CUX1: variants seen among roughly 807,000 people sequenced by gnomAD.
CUX1 encodes protein CASP.
Under a neutral mutation model 158.8 loss-of-function variants are expected in CUX1, and 31 were observed. The observed-to-expected ratio is 0.20, with a 90% CI of 0.15 to 0.26. The LOEUF is 0.26. Ranked by LOEUF, CUX1 falls within the 10% of genes least tolerant of loss-of-function variation. The pLI is 1.00. For missense variants in CUX1, 1,589 were observed against 2,014.6 expected, an observed-to-expected ratio of 0.79 and a Z score of 4.04; for synonymous variants, 879 against 862.1, an observed-to-expected ratio of 1.02 and a Z score of -0.34.
At chr7:102,025,786 T>C (rs1243049185) in intron 2 of CUX1, among the ~76,000 whole-genome samples, 1 of 152,168 alleles carries the variant, frequency 6.6e-6, no homozygotes, top group Admixed American at 6.5e-5. Context: ...TGGAACAGTA[T>C]ATAGTTAAAA....
At chr7:101,851,322 T>C (rs1308989211) in intron 1 of CUX1, among the ~76,000 whole-genome samples, 1 of 152,058 alleles carries the variant, frequency 6.6e-6, no homozygotes, top group African/African-American at 2.4e-5. Context: ...TCATCTTTCT[T>C]GGTGACAGCC....
At chr7:102,088,481 A>G (rs1431412517) in intron 4 of CUX1, among the ~76,000 whole-genome samples, 6 of 151,886 alleles carry the variant, frequency 4.0e-5, no homozygotes, top group Non-Finnish European at 7.4e-5. Context: ...TAGAAAAACA[A>G]GAATTAGCTG....
intron 1 of CUX1, among the ~76,000 whole-genome samples, chr7:101,874,219 G>C (rs1001794059): frequency 2.0e-5 from 3 of 152,220 alleles, no homozygotes; most frequent in Non-Finnish European, 2.9e-5. Context: ...TTTCATGCCA[G>C]TTGTGGAGAG....
At chr7:102,240,033 C>T (rs1258649215) in intron 23 of CUX1, among the ~76,000 whole-genome samples, 1 of 152,132 alleles carries the variant, frequency 6.6e-6, no homozygotes, top group African/African-American at 2.4e-5. Context: ...CAGGCGTGAG[C>T]CACCACGCCT....
At position 102,216,585 on chromosome 7, in the gene CUX1, CACACACACACT is replaced by C. The variant is rs1563424975; in HGVS notation, c.3131-10781_3131-10771del. ...ACACACTCCCACACACACACTCTCC[CACACACACACT>C]CCCACACACACACACACACTCCCCA... On this transcript the variant is annotated intron_variant, in intron 20 of 23. Transcript: ENST00000292535. 3.5e-3 allele frequency among the ~76,000 whole-genome samples: 28 copies of C among 7,994 alleles called. 1 individual carries two copies. Among genetic ancestry groups the C allele is most frequent in the African/African-American group, 4.7e-3 (23 of 4,932 alleles). The allele number at this position is 7,994 out of a possible 152,430, so 5.2% of individuals were successfully genotyped here. A position where few individuals can be genotyped will look rare whatever the true frequency, so the allele number is the denominator to read the frequency against.
intron 22 of CUX1, among the ~76,000 whole-genome samples, chr7:102,238,251 G>A (rs1053023627): frequency 1.3e-5 from 2 of 152,172 alleles, no homozygotes; most frequent in Non-Finnish European, 2.9e-5. Context: ...TAAGTAGCCT[G>A]TGTTTTTCCT....
At chr7:102,274,611 GTC>G (rs1317562352) in intron 16 of CUX1, among the ~76,000 whole-genome samples, 5 of 152,170 alleles carry the variant, frequency 3.3e-5, no homozygotes, top group Admixed American at 2.6e-4. Flanking sequence ...CCGAGACCCT[GTC>G]TCTAAAAAAC....
In CUX1 at chr7:102,257,008, G is replaced by A. The variant is rs868957529; in HGVS notation, c.*7966G>A. 86 of 985,412 alleles carry A rather than the reference G, an allele frequency of 8.7e-5. 1 individual carries two copies. The highest frequency in any genetic ancestry group is 1.0e-3 in the Middle Eastern group (2 of 1,914). 61.0% of individuals were successfully genotyped at this position (985,412 alleles called of 1,614,324 possible). Reference sequence around the variant, plus strand: ...CCCTTTCCCCTATAGGTGGTTCAACGTGGAGGAAGGTTGGGTGTGGAGATT... The same window carrying A: ...CCCTTTCCCCTATAGGTGGTTCAACATGGAGGAAGGTTGGGTGTGGAGATT... On this transcript the variant is annotated 3_prime_UTR_variant, in exon 24 of 24. Coordinates refer to ENST00000292535, the MANE Select transcript of CUX1 (RefSeq NM_181552.4).
Position 102,195,544 on chromosome 7 carries a change from A to C in CUX1, c.1163A>C (p.Lys388Thr). 6.2e-7 allele frequency: 1 copy of C among 1,613,206 alleles called. No homozygotes were observed. Residue 388 changes from lysine to threonine, a missense_variant, in exon 14 of 24, where the codon AAG becomes ACG. Lys to Thr is a moderately conservative substitution (Grantham distance 78). Around this residue, in one of 8 missense-constraint regions of CUX1, gnomAD observed 515 missense variants for 574.4 expected, o/e 0.90. Coordinates refer to ENST00000292535, the MANE Select transcript of CUX1 (RefSeq NM_181552.4). ...CCCCTGGAGGTGCTGTTGCTGGAGA[A>C]GAACCGCTCGCTGCAGTCCGAGAAC... Reference protein sequence around the residue: ...AKPLEVLLLEKNRSLQSENAA... With the variant: ...AKPLEVLLLETNRSLQSENAA...
intron 18 of CUX1, chr7:102,279,999 G>C: frequency 7.1e-7 from 1 of 1,407,630 alleles, no homozygotes; most frequent in South Asian, 1.2e-5. Context: ...TGGGCCCCAA[G>C]GCACTGACTG....
intron 3 of CUX1, among the ~76,000 whole-genome samples, chr7:102,058,328 C>T (rs775781181): frequency 2.6e-5 from 4 of 152,172 alleles, no homozygotes; most frequent in African/African-American, 4.8e-5. Flanking sequence ...GGCTGGAGTA[C>T]AGTGGCACAA....
At chr7:102,220,389 G>C (rs1554526499) in intron 20 of CUX1, among the ~76,000 whole-genome samples, 2 of 152,162 alleles carry the variant, frequency 1.3e-5, no homozygotes, top group Non-Finnish European at 2.9e-5. Context: ...GAGGCCAAAT[G>C]AGCATTGCTG....
At chr7:101,914,689 G>A in intron 1 of CUX1, among the ~76,000 whole-genome samples, 1 of 151,862 alleles carries the variant, frequency 6.6e-6, no homozygotes, top group Non-Finnish European at 1.5e-5. Context: ...AGTACAGACA[G>A]GGTTTCTCCA....
At chr7:102,245,329 TC>T (rs577962892) in intron 23 of CUX1, among the ~76,000 whole-genome samples, 1 of 152,240 alleles carries the variant, frequency 6.6e-6, no homozygotes, top group South Asian at 2.1e-4. Flanking sequence ...TAGGCATGAG[TC>T]CCTGCACCCG....
chr7:102,262,438 G>A (rs1372369988), downstream of CUX1, among the ~76,000 whole-genome samples: 5 of 151,946 alleles, frequency 3.3e-5, no homozygotes, highest in African/African-American at 1.2e-4. Context: ...ATAACTCACA[G>A]GGTTACTGAG....
chr7:102,205,858 A>G (rs1554520955), intron 20 of CUX1, among the ~76,000 whole-genome samples: 1 of 151,996 alleles, frequency 6.6e-6, no homozygotes, highest in African/African-American at 2.4e-5. Context: ...ACCCATGGCC[A>G]CGGCTCCCAG....
At chr7:101,949,025 CATTTTA>C (rs1808730584) in intron 2 of CUX1, among the ~76,000 whole-genome samples, 2 of 152,166 alleles carry the variant, frequency 1.3e-5, no homozygotes, top group South Asian at 4.1e-4. Flanking sequence ...ATCCAAGTGG[CATTTTA>C]ATTTTATTTT....
At chr7:102,006,192 C>T (rs1482564793) in intron 2 of CUX1, among the ~76,000 whole-genome samples, 1 of 152,086 alleles carries the variant, frequency 6.6e-6, no homozygotes, top group Admixed American at 6.6e-5. Flanking sequence ...CCCGCGGGGT[C>T]CACTGGCTCG....
At chr7:101,890,732 T>C (rs1338324220) in intron 1 of CUX1, among the ~76,000 whole-genome samples, 4 of 152,302 alleles carry the variant, frequency 2.6e-5, no homozygotes, top group African/African-American at 9.6e-5. Context: ...TTTTCTGAAT[T>C]GTATTCATTC....
Sources: gnomAD v4.1 joint callset for allele counts (sites outside exome capture counted in the v4.1 genomes callset) on GRCh38, gnomAD v4.1.1 for gene constraint, gnomAD v4.1.1 regional missense constraint, MANE v1.5 for transcripts, NCBI Gene and HGNC (gene_info 2026-07-23, HGNC 2026-07-21) for gene names.